The following GABRG3 variants were observed in gnomAD, a reference collection of about 807,000 sequenced individuals.
The protein encoded by GABRG3 is gamma-aminobutyric acid receptor subunit gamma-3.
Under a neutral mutation model 48.8 loss-of-function variants are expected in GABRG3, and 25 were observed. The ratio of observed to expected loss-of-function variants is 0.51; its 90% CI spans 0.37 to 0.72. The LOEUF (loss-of-function observed/expected upper bound fraction) is 0.72, where lower values mean the gene tolerates loss of function less well. Ranked by LOEUF, GABRG3 falls within the 30% of genes least tolerant of loss-of-function variation. GABRG3 has a pLI of 0.00. For missense variants in GABRG3, 394 were observed against 577.9 expected (o/e 0.68, Z 3.26); for synonymous variants, 227 against 217.6 (o/e 1.04, Z -0.38).
intron 5 of GABRG3, among the ~76,000 whole-genome samples, chr15:27,458,539 T>G (rs1889354595): frequency 2.0e-5 from 3 of 152,164 alleles, no homozygotes; most frequent in Admixed American, 2.0e-4. Context: ...CCTCGCAATT[T>G]GAGGAGATGC....
chr15:26,987,185 G>A (rs971980249), intron 2 of GABRG3, among the ~76,000 whole-genome samples: 1 of 150,338 alleles, frequency 6.7e-6, no homozygotes, highest in Non-Finnish European at 1.5e-5. Flanking sequence ...GTGAGCCCGG[G>A]AGGCGGAGCT....
intron 3 of GABRG3, among the ~76,000 whole-genome samples, chr15:27,177,426 C>A (rs1167487773): frequency 6.6e-6 from 1 of 152,188 alleles, no homozygotes; most frequent in Non-Finnish European, 1.5e-5. Context: ...TTTTACTATG[C>A]CTATATTTTA....
At chr15:27,313,112 T>C (rs1422311853) in intron 3 of GABRG3, among the ~76,000 whole-genome samples, 1 of 146,624 alleles carries the variant, frequency 6.8e-6, no homozygotes, top group Non-Finnish European at 1.5e-5. Context: ...AATAGACTAA[T>C]TCAAAAATGG....
chr15:27,510,362 G>A (rs773470226), intron 6 of GABRG3, among the ~76,000 whole-genome samples: 11 of 152,178 alleles, frequency 7.2e-5, no homozygotes, highest in Non-Finnish European at 1.5e-4. Flanking sequence ...TCCCCCAGGG[G>A]TAGTGCTTGC....
At chr15:27,353,157 C>T (rs1234113000) in intron 5 of GABRG3, among the ~76,000 whole-genome samples, 1 of 152,090 alleles carries the variant, frequency 6.6e-6, no homozygotes, top group African/African-American at 2.4e-5. Flanking sequence ...GGCACCTACA[C>T]ACTGTTCTCA....
chr15:27,244,445 G>A (rs555916255), intron 3 of GABRG3, among the ~76,000 whole-genome samples: 12 of 152,310 alleles, frequency 7.9e-5, no homozygotes, highest in East Asian at 1.9e-4. Flanking sequence ...ACCACACAGC[G>A]CTTAGCTAAC....
At chr15:26,983,527 G>A (rs1006725923) in intron 2 of GABRG3, among the ~76,000 whole-genome samples, 1 of 152,180 alleles carries the variant, frequency 6.6e-6, no homozygotes, top group Non-Finnish European at 1.5e-5. Context: ...ATGACATTAA[G>A]ATGGAAGGCT....
chr15:27,085,957 A>C (rs1897068357), intron 3 of GABRG3, among the ~76,000 whole-genome samples: 1 of 152,174 alleles, frequency 6.6e-6, no homozygotes, highest in Non-Finnish European at 1.5e-5. Context: ...CATTTTAAAC[A>C]TTTCATTGAA....
rs1321882545 is a variant in GABRG3 at position 26,976,931 on chromosome 15, A to G, written c.54-71A>G. On this transcript the variant is annotated intron_variant, in intron 1 of 9. Coordinates refer to ENST00000615808, the MANE Select transcript of GABRG3 (RefSeq NM_033223.5). This position sits in a 1 kb window ranked among gnomAD's most constrained non-coding sequence, Gnocchi z 7.8. ...TCTACCCATTTCATGGTACTTGGAT[A>G]GGACAAACTTAGGCTCTTCCTAGAG... The G allele has an allele frequency of 6.5e-7, 1 of 1,530,050 alleles. No individual in the cohort carries two copies. 94.8% of individuals were successfully genotyped at this position (1,530,050 alleles called of 1,614,324 possible).
chr15:27,434,996 C>T (rs748714239), intron 5 of GABRG3, among the ~76,000 whole-genome samples: 10 of 152,072 alleles, frequency 6.6e-5, no homozygotes, highest in South Asian at 2.1e-4. Flanking sequence ...CAGCTGTTCA[C>T]GCAACATGCC....
intron 5 of GABRG3, among the ~76,000 whole-genome samples, chr15:27,424,304 A>G: frequency 6.6e-6 from 1 of 152,150 alleles, no homozygotes; most frequent in East Asian, 1.9e-4. Flanking sequence ...TGGGTAATTT[A>G]TAAATAACAG....
At chr15:27,284,169 A>C (rs1307549656) in intron 3 of GABRG3, among the ~76,000 whole-genome samples, 2 of 152,228 alleles carry the variant, frequency 1.3e-5, no homozygotes, top group Non-Finnish European at 2.9e-5. Context: ...GTGGCCTGAT[A>C]AAATAAATGA....
chr15:27,084,753 A>T (rs1566930597), intron 3 of GABRG3, among the ~76,000 whole-genome samples: 1 of 152,198 alleles, frequency 6.6e-6, no homozygotes, highest in Admixed American at 6.5e-5. Flanking sequence ...TTTTACCTGG[A>T]TTCAGCAACT....
intron 3 of GABRG3, among the ~76,000 whole-genome samples, chr15:27,141,030 C>G (rs1290879402): frequency 6.6e-6 from 1 of 152,080 alleles, no homozygotes; most frequent in Admixed American, 6.5e-5. Flanking sequence ...TATTGTTGTT[C>G]TGTGGTTCCC....
intron 6 of GABRG3, among the ~76,000 whole-genome samples, chr15:27,508,920 C>A (rs144505794): frequency 3.0e-3 from 459 of 152,178 alleles, no homozygotes; most frequent in African/African-American, 0.011. Flanking sequence ...GGGGTTTCAC[C>A]GTGTTAGCCG....
intron 3 of GABRG3, among the ~76,000 whole-genome samples, chr15:27,052,287 C>T (rs1412419730): frequency 1.3e-5 from 2 of 152,136 alleles, no homozygotes; most frequent in Non-Finnish European, 2.9e-5. Context: ...CTCTGATCAC[C>T]TTGGGGGGGT....
In GABRG3 at chr15:27,480,755, G is replaced by A. The variant is rs768465048; in HGVS notation, c.680G>A (p.Arg227Lys). 3 of 1,613,836 alleles carry A rather than the reference G, an allele frequency of 1.9e-6. No individual in the cohort carries two copies. In the Admixed American group the frequency reaches 5.0e-5, roughly 27 times the overall value. ...RLYQFDFMGL[R>K]NTTEIVTTSA... ...TATCAGTTTGACTTCATGGGCCTCA[G>A]AAACACCACAGAAATCGTGACAACG... The change falls in exon 6 of 10, where the codon AGA becomes AAA. Residue 227 changes from arginine (R) to lysine (K), a missense_variant. By Grantham distance (26) the Arg-to-Lys change is conservative. Coordinates refer to ENST00000615808, the MANE Select transcript of GABRG3 (RefSeq NM_033223.5).
chr15:27,467,446 C>G (rs1889649998), intron 5 of GABRG3, among the ~76,000 whole-genome samples: 1 of 152,176 alleles, frequency 6.6e-6, no homozygotes, highest in African/African-American at 2.4e-5. Context: ...CTCTGCAGTT[C>G]ACAGACAGGA....
chr15:27,027,492 C>T (rs1048504727), intron 3 of GABRG3, among the ~76,000 whole-genome samples: 3 of 152,178 alleles, frequency 2.0e-5, no homozygotes, highest in Admixed American at 1.3e-4. Context: ...TTTGGGGAGA[C>T]GTGAGGCCGA....
Sources: allele counts gnomAD v4.1 joint callset (sites outside exome capture counted in the v4.1 genomes callset), GRCh38; gene constraint gnomAD v4.1.1; non-coding constraint Gnocchi (gnomAD v3.1); transcripts MANE v1.5; gene names NCBI Gene and HGNC (gene_info 2026-07-23, HGNC 2026-07-21).